Variants in HOXD10 observed in about 807,000 individuals in gnomAD.
HOXD10 encodes homeobox protein Hox-D10.
In HOXD10, 15 loss-of-function variants were observed where a neutral mutation model predicts 27.0. The observed-to-expected ratio is 0.56, with a 90% CI of 0.37 to 0.85. The LOEUF (loss-of-function observed/expected upper bound fraction) is 0.85. HOXD10 is among the 40% of genes least tolerant of loss of function. The pLI, the probability that HOXD10 is intolerant of heterozygous loss-of-function variation, is 0.00. For synonymous variants in HOXD10, 178 were observed against 160.9 expected, an observed-to-expected ratio of 1.11 and a Z score of -0.80; for missense variants, 440 against 430.4, an observed-to-expected ratio of 1.02 and a Z score of -0.20.
At chr2:176,118,163 C>T (rs1369361931) in intron 1 of HOXD10, among the ~76,000 whole-genome samples, 1 of 152,164 alleles carries the variant, frequency 6.6e-6, no homozygotes, top group African/African-American at 2.4e-5. Context: ...AGGGCAAAGG[C>T]GGAGGGGGAG....
At position 176,117,420 on chromosome 2, in the gene HOXD10, A is replaced by G. The variant is rs147270324; in HGVS notation, c.587A>G (p.Gln196Arg). 2.5e-6 allele frequency: 4 copies of G among 1,613,342 alleles called. No homozygotes were observed. The highest frequency in any genetic ancestry group is 1.3e-5 in the African/African-American group (1 of 75,074). The change falls in exon 1 of 2, where the codon CAG becomes CGG. Residue 196 changes from glutamine (Q) to arginine (R), a missense_variant. Physicochemically the swap from Gln to Arg is conservative, Grantham distance 43 (BLOSUM62 1). Coordinates refer to ENST00000249501, the MANE Select transcript of HOXD10 (RefSeq NM_002148.4). ...CCGCAGCTCTCCGCTGCCCAGCTGCAGATGGAAAAGAAGATGAACGAGCCC... is the reference window on the plus strand; with the variant it reads ...CCGCAGCTCTCCGCTGCCCAGCTGCGGATGGAAAAGAAGATGAACGAGCCC... ...AKPQLSAAQL[Q>R]MEKKMNEPVS... is the part of the protein sequence containing the mutation.
Position 176,117,439 on chromosome 2 carries a change from C to A in HOXD10, c.606C>A (p.Asn202Lys). The change falls in exon 1 of 2, where the codon AAC becomes AAA. Residue 202 changes from asparagine to lysine, a missense_variant. Physicochemically the swap from Asn to Lys is moderately conservative, Grantham distance 94 (BLOSUM62 0). Transcript: ENST00000249501. ...AGCTGCAGATGGAAAAGAAGATGAACGAGCCCGTGAGCGGCCAGGAGCCCA... is the reference window on the plus strand; with the variant it reads ...AGCTGCAGATGGAAAAGAAGATGAAAGAGCCCGTGAGCGGCCAGGAGCCCA... ...AAQLQMEKKM[N>K]EPVSGQEPTK... 2 of 1,613,190 alleles carry A rather than the reference C, an allele frequency of 1.2e-6. No homozygotes were observed. The highest frequency in any genetic ancestry group is 4.5e-5 in the East Asian group (2 of 44,878).
rs1023819789 is a variant in HOXD10, at chr2:176,117,558, T to A, written c.725T>A (p.Val242Glu). The A allele has an allele frequency of 1.2e-6, 2 of 1,613,158 alleles. No individual in the cohort carries two copies. Among genetic ancestry groups the A allele is most frequent in the African/African-American group, 1.3e-5 (1 of 75,064 alleles). ...GAGGTCTCCGTGTCCAGTCCCGAAG[T>A]GCAGGAGAAGGAAAGCAAAGGTCGG... is the stretch of plus-strand genomic sequence containing the variant. ...LAEVSVSSPE[V>E]QEKESKEEIK... Residue 242 changes from valine to glutamate, a missense_variant, in exon 1 of 2, where the codon GTG (valine) becomes GAG (glutamate). Val to Glu is a moderately radical substitution (Grantham distance 121, BLOSUM62 -2). Coordinates refer to ENST00000249501, the MANE Select transcript of HOXD10 (RefSeq NM_002148.4).
At chr2:176,118,843 G>C in intron 1 of HOXD10, 111 bp from the exon 2 acceptor site, 2 of 1,015,170 alleles carry the variant, frequency 2.0e-6, no homozygotes, top group South Asian at 2.9e-5. Flanking sequence ...ACAGTCTGAA[G>C]AAAAAAACAA....
chr2:176,119,092 GC>G lies in HOXD10; in HGVS notation c.886del (p.Arg296AlafsTer2). The G allele has an allele frequency of 6.2e-7, 1 of 1,614,054 alleles. No homozygotes were observed. The highest frequency in any genetic ancestry group is 8.5e-7 in the Non-Finnish European group (1 of 1,180,008). The part of the protein sequence containing the change: ...FLFNMYLTRE[R>X]RLEISKSVNL... ...TTCAATATGTACCTCACCCGCGAGC[GC>G]CGCCTAGAGATCAGTAAGAGCGTTA... On this transcript the variant is annotated frameshift_variant, in exon 2 of 2. Coordinates refer to ENST00000249501, the MANE Select transcript of HOXD10 (RefSeq NM_002148.4). LOFTEE classifies it high-confidence loss of function.
chr2:176,117,766 C>G (rs1169253764), intron 1 of HOXD10, among the ~76,000 whole-genome samples, 188 bp downstream of exon 1: 2 of 152,264 alleles, frequency 1.3e-5, no homozygotes, highest in African/African-American at 2.4e-5. Context: ...GCCCTCTCCG[C>G]CAGTCCTGGC....
In HOXD10 at chr2:176,119,435, GTATATATATATATATATATA is replaced by G. The variant is rs6147035; in HGVS notation, c.*215_*234del. On this transcript the variant is annotated 3_prime_UTR_variant, in exon 2 of 2. Coordinates refer to ENST00000249501, the MANE Select transcript of HOXD10 (RefSeq NM_002148.4). Reference sequence around the variant, plus strand: ...TGCAAGTGATCTGTAATCCCTATGAGTATATATATATATATATATATATATATATAAAAACTTAGCACGTG... The same window carrying G: ...TGCAAGTGATCTGTAATCCCTATGAGTATATATATAAAAACTTAGCACGTG... 1.1e-5 allele frequency: 2 copies of G among 174,086 alleles called. No individual in the cohort carries two copies. The highest frequency in any genetic ancestry group is 2.1e-5 in the Non-Finnish European group (2 of 93,942). The allele number at this position is 174,086 out of a possible 1,614,324, so 10.8% of individuals were successfully genotyped here.
At position 176,117,186 on chromosome 2, in the gene HOXD10, A is replaced by G. The variant is rs750918060; in HGVS notation, c.353A>G (p.Asp118Gly). 2 of 1,613,882 alleles carry G rather than the reference A, an allele frequency of 1.2e-6. No homozygotes were observed. The highest frequency in any genetic ancestry group is 1.7e-6 in the Non-Finnish European group (2 of 1,179,846). The change falls in exon 1 of 2, where the codon GAT (aspartate) becomes GGT (glycine). Residue 118 changes from aspartate (D) to glycine (G), a missense_variant. Transcript: ENST00000249501. ...GAATCCAATTGCTGCATGTATTCTGATAAGCGCAACAAACTCATTTCGGCC... is the reference window on the plus strand; with the variant it reads ...GAATCCAATTGCTGCATGTATTCTGGTAAGCGCAACAAACTCATTTCGGCC... Reference protein sequence around the residue: ...KEESNCCMYSDKRNKLISAEV... With the variant: ...KEESNCCMYSGKRNKLISAEV...
In HOXD10 at chr2:176,118,975, C is replaced by T; in HGVS notation, c.767C>T (p.Pro256Leu). Residue 256 changes from proline to leucine, a missense_variant, in exon 2 of 2, where the codon CCA becomes CTA. Pro to Leu is a moderately conservative substitution (Grantham distance 98). Transcript: ENST00000249501. The part of the protein sequence containing the change: ...ESKEEIKSDT[P>L]TSNWLTAKSG... ...TTAGAGGAAATCAAGTCTGATACAC[C>T]AACCAGCAATTGGCTCACTGCAAAG... is the stretch of plus-strand genomic sequence containing the variant. 3 of 1,613,426 alleles carry T rather than the reference C, an allele frequency of 1.9e-6. No homozygotes were observed. The highest frequency in any genetic ancestry group is 1.1e-5 in the South Asian group (1 of 91,042).
Position 176,116,932 on chromosome 2 carries a change from C to T in HOXD10, c.99C>T (p.Ser33=). ...RSDSFYSSSA[S]MYMPPPSADM... ...ACAGTTTTTATTCCAGCAGCGCCAGCATGTACATGCCACCACCTAGCGCAG... is the reference window on the plus strand; with the variant it reads ...ACAGTTTTTATTCCAGCAGCGCCAGTATGTACATGCCACCACCTAGCGCAG... Residue 33 remains serine (S), a synonymous_variant, in exon 1 of 2, where the codon AGC becomes AGT. Transcript: ENST00000249501. The T allele has an allele frequency of 6.2e-7, 1 of 1,614,178 alleles. No homozygotes were observed. Among genetic ancestry groups the T allele is most frequent in the African/African-American group, 1.3e-5 (1 of 75,056 alleles).
chr2:176,118,646 C>T (rs1200575092), intron 1 of HOXD10, among the ~76,000 whole-genome samples: 2 of 152,136 alleles, frequency 1.3e-5, no homozygotes, highest in African/African-American at 2.4e-5. Context: ...ATGTTTTGTA[C>T]AAGTGAGAAA....
Position 176,119,582 on chromosome 2 carries a change from T to C in HOXD10, c.*351T>C, listed in dbSNP as rs189196087. On this transcript the variant is annotated 3_prime_UTR_variant, in exon 2 of 2. Coordinates refer to ENST00000249501, the MANE Select transcript of HOXD10 (RefSeq NM_002148.4). Reference sequence around the variant, plus strand: ...TGTAGAGCATCCATCCATCCATCCATCCAGCAATGTGACTTTTTCATGTCT... The same window carrying C: ...TGTAGAGCATCCATCCATCCATCCACCCAGCAATGTGACTTTTTCATGTCT... 1 of 153,238 alleles carries C rather than the reference T, an allele frequency of 6.5e-6. No individual in the cohort carries two copies. The highest frequency in any genetic ancestry group is 2.0e-4 in the South Asian group (1 of 4,914). The allele number at this position is 153,238 out of a possible 1,614,324, so 9.5% of individuals were successfully genotyped here. A position where few individuals can be genotyped will look rare whatever the true frequency, so the allele number is the denominator to read the frequency against.
rs370540453 is a variant in HOXD10, at chr2:176,117,314, G to T, written c.481G>T (p.Gly161Trp). 6.2e-7 allele frequency: 1 copy of T among 1,613,298 alleles called. No individual in the cohort carries two copies. The highest frequency in any genetic ancestry group is 1.3e-5 in the African/African-American group (1 of 74,900). Residue 161 changes from glycine to tryptophan, a missense_variant, in exon 1 of 2, where the codon GGG becomes TGG. By Grantham distance (184) the Gly-to-Trp change is radical. Coordinates refer to ENST00000249501, the MANE Select transcript of HOXD10 (RefSeq NM_002148.4). ...YFRLSQTYAT[G>W]KTQEYNNSPE... ...TAGACTGAGTCAGACCTACGCCACCGGGAAAACCCAAGAGTACAATAATAG... is the reference window on the plus strand; with the variant it reads ...TAGACTGAGTCAGACCTACGCCACCTGGAAAACCCAAGAGTACAATAATAG...
chr2:176,117,043 T>A lies in HOXD10; in HGVS notation c.210T>A (p.Asn70Lys). Residue 70 changes from asparagine (N) to lysine (K), a missense_variant, in exon 1 of 2, where the codon AAT becomes AAA. Coordinates refer to ENST00000249501, the MANE Select transcript of HOXD10 (RefSeq NM_002148.4). ...REVNHQNMGM[N>K]VHPYIPQVDS... is the part of the protein sequence containing the mutation. ...TGAACCACCAAAATATGGGTATGAATGTGCATCCTTATATACCTCAAGTAG... is the reference window on the plus strand; with the variant it reads ...TGAACCACCAAAATATGGGTATGAAAGTGCATCCTTATATACCTCAAGTAG... 5 of 1,614,152 alleles carry A rather than the reference T, an allele frequency of 3.1e-6. No individual in the cohort carries two copies. Among genetic ancestry groups the A allele is most frequent in the Non-Finnish European group, 3.4e-6 (4 of 1,180,026 alleles).
In HOXD10 at chr2:176,119,178, A is replaced by G; in HGVS notation, c.970A>G (p.Met324Val). ...AAACCGCCGAATGAAACTCAAGAAG[A>G]TGAGCCGAGAGAACCGGATCCGAGA... ...FQNRRMKLKK[M>V]SRENRIRELT... Residue 324 changes from methionine to valine, a missense_variant, in exon 2 of 2, where the codon ATG becomes GTG. Transcript: ENST00000249501. 6.2e-7 allele frequency: 1 copy of G among 1,613,904 alleles called. No individual in the cohort carries two copies. Among genetic ancestry groups the G allele is most frequent in the Non-Finnish European group, 8.5e-7 (1 of 1,180,008 alleles).
intron 1 of HOXD10, 34 bp downstream of exon 1, chr2:176,117,612 C>G: frequency 6.2e-7 from 1 of 1,609,600 alleles, no homozygotes; most frequent in Non-Finnish European, 8.5e-7. Flanking sequence ...CCCAGCGGGG[C>G]GCGCAGCCCG....
Position 176,117,872 on chromosome 2 carries a change from C to A in HOXD10, c.745+294C>A, listed in dbSNP as rs150447229. Among the ~76,000 whole-genome samples the A allele has an allele frequency of 2.0e-5, 3 of 152,332 alleles. No homozygotes were observed. In the East Asian group the frequency reaches 5.8e-4, roughly 29 times the overall value. ...AACAAAAGAGCGCAAAGGAGACCTGCGGCTCATAAACACGACCACAGAGCC... is the reference window on the plus strand; with the variant it reads ...AACAAAAGAGCGCAAAGGAGACCTGAGGCTCATAAACACGACCACAGAGCC... On this transcript the variant is annotated intron_variant, in intron 1 of 1. Transcript: ENST00000249501.
chr2:176,117,410 G>A lies in HOXD10; in HGVS notation c.577G>A (p.Ala193Thr), dbSNP rs1245245679. Residue 193 changes from alanine to threonine, a missense_variant, in exon 1 of 2, where the codon GCC (alanine) becomes ACC (threonine). Ala to Thr is a moderately conservative substitution (Grantham distance 58, BLOSUM62 0). Coordinates refer to ENST00000249501, the MANE Select transcript of HOXD10 (RefSeq NM_002148.4). ...RGAAKPQLSA[A>T]QLQMEKKMNE... Reference sequence around the variant, plus strand: ...CGCGGCCAAGCCGCAGCTCTCCGCTGCCCAGCTGCAGATGGAAAAGAAGAT... The same window carrying A: ...CGCGGCCAAGCCGCAGCTCTCCGCTACCCAGCTGCAGATGGAAAAGAAGAT... The A allele has an allele frequency of 6.2e-7, 1 of 1,613,366 alleles. No homozygotes were observed. Among genetic ancestry groups the A allele is most frequent in the Admixed American group, 1.7e-5 (1 of 60,036 alleles).
chr2:176,119,464 T>TATATATATATATATATATATATAA lies in HOXD10; in HGVS notation c.*234_*235insTATATATATATATATATATATAAA, dbSNP rs886055159. 1.1e-4 allele frequency: 16 copies of TATATATATATATATATATATATAA among 145,740 alleles called. No individual in the cohort carries two copies. The highest frequency in any genetic ancestry group is 2.3e-4 in the Non-Finnish European group (16 of 70,348). The allele number at this position is 145,740 out of a possible 1,614,324, so 9.0% of individuals were successfully genotyped here. ...ATATATATATATATATATATATATA[T>TATATATATATATATATATATATAA]AAAAACTTAGCACGTGTAATTTATT... On this transcript the variant is annotated 3_prime_UTR_variant, in exon 2 of 2. Coordinates refer to ENST00000249501, the MANE Select transcript of HOXD10 (RefSeq NM_002148.4).
Sources: gnomAD v4.1 joint callset for allele counts (sites outside exome capture counted in the v4.1 genomes callset) on GRCh38, gnomAD v4.1.1 for gene constraint, MANE v1.5 for transcripts, NCBI Gene and HGNC (gene_info 2026-07-23, HGNC 2026-07-21) for gene names.